ODAD4: variants seen among roughly 807,000 people sequenced by gnomAD.
The protein encoded by ODAD4 is outer dynein arm-docking complex subunit 4.
In ODAD4, 49 loss-of-function variants were observed where a neutral mutation model predicts 51.8. The observed-to-expected ratio is 0.95, with a 90% confidence interval of 0.75 to 1.20. The LOEUF (loss-of-function observed/expected upper bound fraction) is 1.20, where lower values mean the gene tolerates loss of function less well. Ranked by LOEUF, ODAD4 falls within the 50% of genes most tolerant of loss-of-function variation. The probability of loss-of-function intolerance (pLI) is 0.00; values close to 1 mark genes in which losing one functional copy is unlikely to be tolerated. For missense variants in ODAD4, 590 were observed against 586.5 expected (o/e 1.01, Z -0.06); for synonymous variants, 235 against 221.3 (o/e 1.06, Z -0.55).
At chr17:41,939,314 G>C in intron 7 of ODAD4, 142 bp downstream of exon 7, 8 of 842,502 alleles carry the variant, frequency 9.5e-6, no homozygotes, top group Non-Finnish European at 1.4e-5. Flanking sequence ...TGGAGGTGGG[G>C]ACCACCTGCC....
intron 1 of ODAD4, among the ~76,000 whole-genome samples, 200 bp downstream of exon 1, chr17:41,931,037 G>A (rs1028169083): frequency 1.6e-4 from 25 of 152,004 alleles, no homozygotes; most frequent in Non-Finnish European, 3.2e-4. Flanking sequence ...GGGACTACAG[G>A]CGCGTGCCAC....
At chr17:41,944,014 A>G (rs1328251032) in intron 7 of ODAD4, among the ~76,000 whole-genome samples, 1 of 152,104 alleles carries the variant, frequency 6.6e-6, no homozygotes, top group Admixed American at 6.6e-5. Flanking sequence ...CCTGGCCAAC[A>G]TGAAGAAACC....
chr17:41,934,779 T>A (rs1329191627), intron 1 of ODAD4, among the ~76,000 whole-genome samples: 1 of 152,248 alleles, frequency 6.6e-6, no homozygotes, highest in Admixed American at 6.5e-5. Flanking sequence ...TTCAGAATGC[T>A]TAGCCTTTGA....
chr17:41,945,052 C>T (rs1681899455), intron 7 of ODAD4, 84 bp from the exon 8 acceptor site: 1 of 1,098,038 alleles, frequency 9.1e-7, no homozygotes, highest in Admixed American at 2.1e-5. Context: ...GGCCAGGGCT[C>T]CTGTCTTTGC....
chr17:41,930,687 G>T lies in ODAD4; in HGVS notation c.-37G>T. The T allele has an allele frequency of 7.3e-7, 1 of 1,367,474 alleles. No individual in the cohort carries two copies. Among genetic ancestry groups the T allele is most frequent in the African/African-American group, 1.4e-5 (1 of 69,800 alleles). 84.7% of individuals were successfully genotyped at this position (1,367,474 alleles called of 1,614,324 possible). A position where few individuals can be genotyped will look rare whatever the true frequency, so the allele number is the denominator to read the frequency against. ...GATAGAGGTTCTCCAGCTTTTCTTT[G>T]ATTGTCTCTGCTTTAGCGTCTCTAA... On this transcript the variant is annotated 5_prime_UTR_variant, in exon 1 of 12. It removes the in-frame stop codon of an upstream open reading frame in the 5' UTR. Transcript: ENST00000377540.
chr17:41,933,678 G>C (rs1276157208), intron 1 of ODAD4, among the ~76,000 whole-genome samples: 1 of 151,948 alleles, frequency 6.6e-6, no homozygotes, highest in East Asian at 1.9e-4. Flanking sequence ...GCCAGGTGTG[G>C]TGGCGGGCAC....
At chr17:41,943,306 A>C (rs1366374972) in intron 7 of ODAD4, among the ~76,000 whole-genome samples, 1 of 152,230 alleles carries the variant, frequency 6.6e-6, no homozygotes, top group Non-Finnish European at 1.5e-5. Flanking sequence ...CAGGCCAAGC[A>C]CAGTGGCTCA....
chr17:41,945,827 G>A (rs1045222246), intron 8 of ODAD4, among the ~76,000 whole-genome samples: 2 of 152,176 alleles, frequency 1.3e-5, no homozygotes, highest in African/African-American at 2.4e-5. Context: ...CTTGAACCCG[G>A]AAGGCGGAGG....
In ODAD4 at chr17:41,935,359, G is replaced by A; in HGVS notation, c.246+11G>A. 1 of 1,612,984 alleles carries A rather than the reference G, an allele frequency of 6.2e-7. No homozygotes were observed. Among genetic ancestry groups the A allele is most frequent in the Non-Finnish European group, 8.5e-7 (1 of 1,179,446 alleles). On this transcript the variant is annotated intron_variant, in intron 2 of 11. Coordinates refer to ENST00000377540, the MANE Select transcript of ODAD4 (RefSeq NM_031421.5). ...CCAGCTTTCTGTAAGGTGACTGCAT[G>A]GGCGGGAGGACTGGATCCTGCCATT...
At chr17:41,959,002 A>G (rs1555641373) in intron 10 of ODAD4, among the ~76,000 whole-genome samples, 1 of 151,374 alleles carries the variant, frequency 6.6e-6, no homozygotes, top group Non-Finnish European at 1.5e-5. Context: ...CGACAGAGCG[A>G]GACTCCGTCT....
At chr17:41,933,110 T>C (rs1281202578) in intron 1 of ODAD4, among the ~76,000 whole-genome samples, 2 of 151,890 alleles carry the variant, frequency 1.3e-5, no homozygotes, top group Non-Finnish European at 2.9e-5. Flanking sequence ...CCACTTATTC[T>C]CCTCCTGCTG....
Position 41,936,869 on chromosome 17 carries a change from G to T in ODAD4, c.567G>T (p.Gln189His), listed in dbSNP as rs782267433. 5.6e-6 allele frequency: 9 copies of T among 1,613,890 alleles called. No homozygotes were observed. Among genetic ancestry groups the T allele is most frequent in the Admixed American group, 1.7e-5 (1 of 60,006 alleles). Residue 189 changes from glutamine to histidine, a missense_variant, in exon 5 of 12, where the codon CAG becomes CAT. This residue lies in a region of ODAD4 where 360 missense variants were observed against 407.5 expected (regional missense o/e 0.88). Coordinates refer to ENST00000377540, the MANE Select transcript of ODAD4 (RefSeq NM_031421.5). The part of the protein sequence containing the change: ...ASLKSEKTVR[Q>H]LLGELYVDKE... ...TCAAGAGTGAGAAGACTGTCCGCCA[G>T]CTTCTGGGGGAGCTCTACGTGGACA... is the stretch of plus-strand genomic sequence containing the variant.
chr17:41,940,681 A>G (rs954832961), intron 7 of ODAD4, among the ~76,000 whole-genome samples: 2 of 152,198 alleles, frequency 1.3e-5, no homozygotes, highest in Non-Finnish European at 2.9e-5. Context: ...ATCTCTAATG[A>G]AGGCATAATA....
intron 1 of ODAD4, among the ~76,000 whole-genome samples, chr17:41,932,812 G>A (rs1211179611): frequency 6.8e-6 from 1 of 146,148 alleles, no homozygotes; most frequent in Admixed American, 7.2e-5. Context: ...TAATACTCCC[G>A]CTTTGGCCTC....
intron 10 of ODAD4, among the ~76,000 whole-genome samples, chr17:41,958,774 G>A (rs770930921): frequency 5.9e-5 from 9 of 151,620 alleles, no homozygotes; most frequent in African/African-American, 1.5e-4. Context: ...CCTGTAATCC[G>A]AACACTTTGG....
chr17:41,945,343 C>CAA (rs35481109), intron 8 of ODAD4, 121 bp downstream of exon 8: 1,631 of 438,070 alleles, frequency 3.7e-3, no homozygotes, highest in South Asian at 6.9e-3. Flanking sequence ...TCCCTCTCTA[C>CAA]AAAAAAAAAA....
At position 41,930,662 on chromosome 17, in the gene ODAD4, G is replaced by A. The variant is rs1407885413; in HGVS notation, c.-62G>A. On this transcript the variant is annotated 5_prime_UTR_variant, in exon 1 of 12. Coordinates refer to ENST00000377540, the MANE Select transcript of ODAD4 (RefSeq NM_031421.5). ...TAAGAAACGGAGCTTCCACAAACCA[G>A]ATAGAGGTTCTCCAGCTTTTCTTTG... The A allele has an allele frequency of 9.0e-7, 1 of 1,114,212 alleles. No homozygotes were observed. Among genetic ancestry groups the A allele is most frequent in the Admixed American group, 2.0e-5 (1 of 49,706 alleles). The allele number at this position is 1,114,212 out of a possible 1,614,324, so 69.0% of individuals were successfully genotyped here. A position where few individuals can be genotyped will look rare whatever the true frequency, so the allele number is the denominator to read the frequency against.
chr17:41,939,854 C>T (rs1472956532), intron 7 of ODAD4, among the ~76,000 whole-genome samples: 3 of 152,116 alleles, frequency 2.0e-5, no homozygotes, highest in Non-Finnish European at 2.9e-5. Context: ...GAACTTGCAC[C>T]GCCCAGCCGT....
intron 9 of ODAD4, among the ~76,000 whole-genome samples, chr17:41,952,228 C>T (rs558501814): frequency 3.8e-4 from 57 of 150,928 alleles, no homozygotes; most frequent in South Asian, 1.1e-3. Flanking sequence ...ATTAGCCGGG[C>T]GTGGTGGTGC....
Sources: gnomAD v4.1 joint callset for allele counts (sites outside exome capture counted in the v4.1 genomes callset) on GRCh38, gnomAD v4.1.1 for gene constraint, gnomAD v4.1.1 regional missense constraint, MANE v1.5 for transcripts, NCBI Gene and HGNC (gene_info 2026-07-23, HGNC 2026-07-21) for gene names.